Variants in GNAQ observed in about 807,000 individuals in gnomAD.
GNAQ encodes G protein subunit alpha q, also known as guanine nucleotide-binding protein G(q) subunit alpha.
In GNAQ, 8 loss-of-function variants were observed where a neutral mutation model predicts 43.9. The observed-to-expected ratio is 0.18, with a 90% confidence interval of 0.11 to 0.33. The LOEUF is 0.33. GNAQ is among the 10% of genes least tolerant of loss of function. The pLI is 1.00. For missense variants in GNAQ, 158 were observed against 450.8 expected, an observed-to-expected ratio of 0.35 and a Z score of 5.88; for synonymous variants, 155 against 170.7, an observed-to-expected ratio of 0.91 and a Z score of 0.71.
chr9:77,794,404 T>G, intron 5 of GNAQ, 59 bp downstream of exon 5: 1 of 1,201,596 alleles, frequency 8.3e-7, no homozygotes, highest in Middle Eastern at 3.0e-4. Context: ...CTACTTTCTA[T>G]CATTTACTTG....
chr9:77,971,505 A>G (rs1385874700), intron 1 of GNAQ, among the ~76,000 whole-genome samples: 1 of 152,260 alleles, frequency 6.6e-6, no homozygotes, highest in Non-Finnish European at 1.5e-5. Context: ...AATCCATCAC[A>G]TGAACAGAAC....
At chr9:78,019,202 C>T (rs76303349) in intron 1 of GNAQ, among the ~76,000 whole-genome samples, 335 of 152,308 alleles carry the variant, frequency 2.2e-3, no homozygotes, top group Non-Finnish European at 3.6e-3. Flanking sequence ...AAGCAATATA[C>T]AGGTATTTTC....
intron 2 of GNAQ, among the ~76,000 whole-genome samples, chr9:77,887,458 G>GGCTTGCTTTACTATTT (rs1828327545): frequency 6.6e-6 from 1 of 152,148 alleles, no homozygotes; most frequent in South Asian, 2.1e-4. Context: ...CAGCCTATTA[G>GGCTTGCTTTACTATTT]GCTTGCTTTA....
At chr9:77,840,815 C>T (rs1037189951) in intron 2 of GNAQ, among the ~76,000 whole-genome samples, 2 of 152,128 alleles carry the variant, frequency 1.3e-5, no homozygotes, top group African/African-American at 4.8e-5. Flanking sequence ...ATGATTTGGG[C>T]ATAGACCTTA....
At chr9:77,981,279 T>A (rs928638450) in intron 1 of GNAQ, among the ~76,000 whole-genome samples, 12 of 150,002 alleles carry the variant, frequency 8.0e-5, no homozygotes, top group Non-Finnish European at 1.5e-4. Context: ...ACAAAAAAAA[T>A]AGTATTTAAA....
intron 2 of GNAQ, among the ~76,000 whole-genome samples, chr9:77,908,932 A>G (rs916255685): frequency 2.6e-5 from 4 of 152,218 alleles, no homozygotes; most frequent in African/African-American, 9.6e-5. Flanking sequence ...AATACTCTAG[A>G]ACACAAAATC....
At chr9:77,878,580 T>G (rs899222647) in intron 2 of GNAQ, among the ~76,000 whole-genome samples, 1 of 151,864 alleles carries the variant, frequency 6.6e-6, no homozygotes, top group African/African-American at 2.4e-5. Context: ...AACCTCTAAT[T>G]ATTTGATTAT....
intron 5 of GNAQ, among the ~76,000 whole-genome samples, chr9:77,759,348 C>G (rs1429401264): frequency 2.0e-5 from 3 of 152,084 alleles, no homozygotes; most frequent in Non-Finnish European, 4.4e-5. Flanking sequence ...GTTAAATGAA[C>G]ATGACAAATC....
At position 77,886,417 on chromosome 9, in the gene GNAQ, A is replaced by G. The variant is rs190553428; in HGVS notation, c.321+35744T>C. Reference sequence around the variant, plus strand: ...AAAAAAAAAAAGCATCTTAGTGGTTAATCTCTAGTGTTCCAACCATTTCTC... The same window carrying G: ...AAAAAAAAAAAGCATCTTAGTGGTTGATCTCTAGTGTTCCAACCATTTCTC... On this transcript the variant is annotated intron_variant, in intron 2 of 6. Coordinates refer to ENST00000286548, the MANE Select transcript of GNAQ (RefSeq NM_002072.5). Among the ~76,000 whole-genome samples the G allele has an allele frequency of 1.5e-4, 23 of 149,298 alleles. No individual in the cohort carries two copies. The East Asian group carries it at 1.8e-3, about 11-fold the overall frequency.
intron 1 of GNAQ, among the ~76,000 whole-genome samples, chr9:77,983,832 C>CT (rs760373595): frequency 2.0e-5 from 3 of 151,832 alleles, no homozygotes; most frequent in African/African-American, 4.8e-5. Context: ...GGACTCTTTC[C>CT]TAGGAAGTCA....
chr9:77,999,752 C>T (rs563523835), intron 1 of GNAQ, among the ~76,000 whole-genome samples: 75 of 152,316 alleles, frequency 4.9e-4, no homozygotes, highest in African/African-American at 1.7e-3. Flanking sequence ...TTTGTTCTTA[C>T]TGAATCTCTA....
chr9:77,903,887 C>G (rs924407995), intron 2 of GNAQ, among the ~76,000 whole-genome samples: 1 of 152,034 alleles, frequency 6.6e-6, no homozygotes, highest in Non-Finnish European at 1.5e-5. Flanking sequence ...TTTCCTCATA[C>G]CTGACAGCCA....
At chr9:77,997,637 C>A (rs1052023451) in intron 1 of GNAQ, among the ~76,000 whole-genome samples, 1 of 152,016 alleles carries the variant, frequency 6.6e-6, no homozygotes, top group African/African-American at 2.4e-5. Flanking sequence ...TACAAGGGAC[C>A]CAAGCAGGAG....
At chr9:77,740,683 T>G (rs1825639901) in intron 5 of GNAQ, among the ~76,000 whole-genome samples, 1 of 152,210 alleles carries the variant, frequency 6.6e-6, no homozygotes, top group Non-Finnish European at 1.5e-5. Flanking sequence ...TTCTTTTTAG[T>G]CTTTTCATTT....
chr9:77,876,483 C>A (rs1259719123), intron 2 of GNAQ, among the ~76,000 whole-genome samples: 1 of 152,198 alleles, frequency 6.6e-6, no homozygotes, highest in East Asian at 1.9e-4. Context: ...GAGCACTTGG[C>A]ACTTTACCTG....
chr9:77,965,063 G>A (rs1469861963), intron 1 of GNAQ, among the ~76,000 whole-genome samples: 1 of 151,744 alleles, frequency 6.6e-6, no homozygotes, highest in East Asian at 1.9e-4. Flanking sequence ...CTCCATTACT[G>A]TAACTACTCA....
At chr9:77,892,689 A>G (rs1828424447) in intron 2 of GNAQ, among the ~76,000 whole-genome samples, 1 of 152,230 alleles carries the variant, frequency 6.6e-6, no homozygotes, top group African/African-American at 2.4e-5. Flanking sequence ...TGTGGCATAA[A>G]TGACGTGGAA....
chr9:78,011,621 T>C (rs2118581819), intron 1 of GNAQ, among the ~76,000 whole-genome samples: 1 of 152,264 alleles, frequency 6.6e-6, no homozygotes, highest in Admixed American at 6.5e-5. Context: ...AAAACAATAA[T>C]ACTGCAGAAC....
chr9:77,724,612 C>G (rs970222420), intron 6 of GNAQ, among the ~76,000 whole-genome samples: 3 of 152,300 alleles, frequency 2.0e-5, no homozygotes, highest in East Asian at 1.9e-4. Context: ...GAGCTTCAGA[C>G]AGCTGACTTG....
Sources: gnomAD v4.1 joint callset for allele counts (sites outside exome capture counted in the v4.1 genomes callset) on GRCh38, gnomAD v4.1.1 for gene constraint, MANE v1.5 for transcripts, NCBI Gene and HGNC (gene_info 2026-07-23, HGNC 2026-07-21) for gene names.